Variants in DCBLD1 observed in about 807,000 individuals in gnomAD.
DCBLD1 encodes discoidin, CUB and LCCL domain containing 1, also known as discoidin, CUB and LCCL domain-containing protein 1.
DCBLD1 carries 57 observed loss-of-function variants against 71.5 expected under a neutral mutation model. The ratio of observed to expected loss-of-function variants is 0.80; its 90% CI spans 0.64 to 0.99. The LOEUF (loss-of-function observed/expected upper bound fraction) is 0.99. Among genes scored for constraint, DCBLD1 ranks in the 50% least tolerant of loss-of-function variants. The pLI, the probability that DCBLD1 is intolerant of heterozygous loss-of-function variation, is 0.00. For synonymous variants in DCBLD1, 380 were observed against 363.8 expected (o/e 1.04, Z -0.51); for missense variants, 891 against 923.5 (o/e 0.96, Z 0.46).
chr6:117,510,346 C>A (rs1306524632), intron 2 of DCBLD1, among the ~76,000 whole-genome samples: 1 of 150,910 alleles, frequency 6.6e-6, no homozygotes, highest in Non-Finnish European at 1.5e-5. Context: ...GACACAGACA[C>A]ACACACAGAC....
chr6:117,494,022 A>G (rs1315865298), intron 1 of DCBLD1, among the ~76,000 whole-genome samples: 1 of 152,060 alleles, frequency 6.6e-6, no homozygotes, highest in African/African-American at 2.4e-5. Context: ...AACTATCATT[A>G]TCAGATATGG....
intron 3 of DCBLD1, among the ~76,000 whole-genome samples, chr6:117,520,375 T>C (rs1778347019): frequency 6.6e-6 from 1 of 152,254 alleles, no homozygotes; most frequent in Non-Finnish European, 1.5e-5. Flanking sequence ...AGTTGACTTA[T>C]ATGGGATAGG....
chr6:117,533,307 T>A (rs1778784725), intron 6 of DCBLD1, among the ~76,000 whole-genome samples: 1 of 152,148 alleles, frequency 6.6e-6, no homozygotes, highest in Non-Finnish European at 1.5e-5. Context: ...ATTCTATCAC[T>A]CATTAATCTG....
intron 14 of DCBLD1, among the ~76,000 whole-genome samples, chr6:117,565,102 A>G (rs766665939): frequency 2.7e-4 from 41 of 152,338 alleles, no homozygotes; most frequent in Admixed American, 1.6e-3. Flanking sequence ...TTTGTTAAAA[A>G]TGACAATAAA....
intron 1 of DCBLD1, among the ~76,000 whole-genome samples, chr6:117,498,758 A>G (rs1777549719): frequency 6.6e-6 from 1 of 152,092 alleles, no homozygotes; most frequent in Non-Finnish European, 1.5e-5. Context: ...AGGTATTTTA[A>G]GGCAAATCCC....
At chr6:117,551,873 C>T (rs926813553), downstream of DCBLD1, among the ~76,000 whole-genome samples, 11 of 152,100 alleles carry the variant, frequency 7.2e-5, no homozygotes, top group Admixed American at 5.2e-4. Context: ...ATCACACATC[C>T]CAGCACTTTA....
chr6:117,554,509 A>C (rs939915057), downstream of DCBLD1, among the ~76,000 whole-genome samples: 2 of 152,226 alleles, frequency 1.3e-5, no homozygotes, highest in Non-Finnish European at 2.9e-5. Flanking sequence ...ACATAATTAG[A>C]TGTCCCAATG....
At chr6:117,558,502 T>C (rs1779525231) in intron 14 of DCBLD1, among the ~76,000 whole-genome samples, 1 of 152,136 alleles carries the variant, frequency 6.6e-6, no homozygotes, top group African/African-American at 2.4e-5. Flanking sequence ...TCTCCAAAAC[T>C]CTCCCCAAGT....
intron 5 of DCBLD1, among the ~76,000 whole-genome samples, chr6:117,530,685 A>G (rs1354301416): frequency 6.6e-6 from 1 of 152,222 alleles, no homozygotes; most frequent in Non-Finnish European, 1.5e-5. Flanking sequence ...AGCCAGGATG[A>G]CAAGATAAAT....
intron 5 of DCBLD1, among the ~76,000 whole-genome samples, chr6:117,527,911 G>A (rs1019998069): frequency 4.6e-5 from 7 of 152,134 alleles, no homozygotes; most frequent in Admixed American, 4.6e-4. Flanking sequence ...AGGAATATGG[G>A]CTTCTCTTAA....
chr6:117,486,190 G>T (rs1437907978), intron 1 of DCBLD1, among the ~76,000 whole-genome samples: 1 of 152,198 alleles, frequency 6.6e-6, no homozygotes, highest in Non-Finnish European at 1.5e-5. Context: ...TGACATTTAT[G>T]AGGAATTATG....
chr6:117,544,499 A>C, intron 12 of DCBLD1, 29 bp from the exon 13 acceptor site: 1 of 1,612,722 alleles, frequency 6.2e-7, no homozygotes, highest in Non-Finnish European at 8.5e-7. Context: ...TGGCTTATAA[A>C]TATTCAGTAG....
At chr6:117,563,680 C>G (rs1779635052) in intron 14 of DCBLD1, among the ~76,000 whole-genome samples, 1 of 151,336 alleles carries the variant, frequency 6.6e-6, no homozygotes, top group Non-Finnish European at 1.5e-5. Flanking sequence ...TGAGATCGTA[C>G]CACCGCACTC....
At chr6:117,537,104 T>G in intron 6 of DCBLD1, 81 bp from the exon 7 acceptor site, 13 of 1,435,968 alleles carry the variant, frequency 9.1e-6, no homozygotes, top group Non-Finnish European at 1.2e-5. Flanking sequence ...GAAAGTTCTG[T>G]GAGCCCTGGG....
intron 14 of DCBLD1, among the ~76,000 whole-genome samples, chr6:117,558,049 T>G (rs1011323282): frequency 1.3e-5 from 2 of 152,158 alleles, no homozygotes; most frequent in African/African-American, 4.8e-5. Context: ...AGCGTGGGCT[T>G]CTTCTTAAGA....
At chr6:117,521,769 A>G (rs1332551217) in intron 4 of DCBLD1, among the ~76,000 whole-genome samples, 193 bp downstream of exon 4, 1 of 152,248 alleles carries the variant, frequency 6.6e-6, no homozygotes, top group African/African-American at 2.4e-5. Flanking sequence ...TAGATAATAA[A>G]TATTTCAGGT....
intron 14 of DCBLD1, among the ~76,000 whole-genome samples, chr6:117,545,824 A>G (rs761981446): frequency 6.6e-6 from 1 of 152,260 alleles, no homozygotes; most frequent in Non-Finnish European, 1.5e-5. Context: ...AGTGACATCC[A>G]TAGTGATAGC....
intron 6 of DCBLD1, among the ~76,000 whole-genome samples, chr6:117,536,922 A>C (rs930623755): frequency 6.6e-6 from 1 of 152,224 alleles, no homozygotes; most frequent in Non-Finnish European, 1.5e-5. Flanking sequence ...ATTCAAAAGC[A>C]GCATCTCAGA....
At chr6:117,519,578 A>C (rs1778315852) in intron 2 of DCBLD1, among the ~76,000 whole-genome samples, 1 of 152,222 alleles carries the variant, frequency 6.6e-6, no homozygotes, top group Non-Finnish European at 1.5e-5. Context: ...GGTTGCTCAC[A>C]GTTAACTAGT....
Sources: allele counts gnomAD v4.1 joint callset (sites outside exome capture counted in the v4.1 genomes callset), GRCh38; gene constraint gnomAD v4.1.1; transcripts MANE v1.5; gene names NCBI Gene and HGNC (gene_info 2026-07-23, HGNC 2026-07-21).